XKR9: variants seen among roughly 807,000 people sequenced by gnomAD.
XKR9 encodes XK related 9.
A neutral mutation model predicts 32.0 loss-of-function variants in XKR9; 32 were observed. The ratio of observed to expected loss-of-function variants is 1.00; its 90% confidence interval spans 0.76 to 1.34. The LOEUF is 1.34. Among genes scored for constraint, XKR9 ranks in the 40% most tolerant of loss-of-function variants. XKR9 has a pLI of 0.00. For synonymous variants in XKR9, 168 were observed against 143.4 expected (o/e 1.17, Z -1.22); for missense variants, 546 against 429.7 (o/e 1.27, Z -2.39).
chr8:70,833,410 A>G, the XKR9 span, among the ~76,000 whole-genome samples: 1 of 152,208 alleles, frequency 6.6e-6, no homozygotes, highest in African/African-American at 2.4e-5. Context: ...TGTGAATATA[A>G]CATTATACAG....
the XKR9 span, among the ~76,000 whole-genome samples, chr8:70,971,298 C>T: frequency 8.6e-5 from 13 of 151,750 alleles, no homozygotes; most frequent in Admixed American, 4.6e-4. Flanking sequence ...CCTTAGCCCA[C>T]TTTTTGATGG....
chr8:70,857,182 G>A, the XKR9 span, among the ~76,000 whole-genome samples: 1 of 152,298 alleles, frequency 6.6e-6, no homozygotes, highest in African/African-American at 2.4e-5. Context: ...AATGAATCCA[G>A]AAGCTGGTTT....
chr8:70,731,359 C>T (rs1354302295), intron 4 of XKR9, among the ~76,000 whole-genome samples: 2 of 151,444 alleles, frequency 1.3e-5, no homozygotes, highest in Non-Finnish European at 2.9e-5. Context: ...TTTCCAGGTT[C>T]CTTTTCTCTG....
intron 2 of XKR9, among the ~76,000 whole-genome samples, chr8:70,750,241 T>C (rs1354587672): frequency 1.3e-5 from 2 of 152,232 alleles, no homozygotes; most frequent in Admixed American, 1.3e-4. Flanking sequence ...ATTGCATTTC[T>C]ATGTTGCTCT....
the XKR9 span, among the ~76,000 whole-genome samples, chr8:70,990,943 G>A: frequency 6.6e-6 from 1 of 152,118 alleles, no homozygotes; most frequent in African/African-American, 2.4e-5. Flanking sequence ...TGAGAGGTGT[G>A]TTTATCTAAT....
At chr8:70,758,839 C>T (rs1023687364) in intron 2 of XKR9, among the ~76,000 whole-genome samples, 2 of 152,156 alleles carry the variant, frequency 1.3e-5, no homozygotes, top group Non-Finnish European at 2.9e-5. Flanking sequence ...TACAGAGTAA[C>T]AGCAAAGCTC....
At chr8:71,050,377 T>C in the XKR9 span, among the ~76,000 whole-genome samples, 1 of 151,230 alleles carries the variant, frequency 6.6e-6, no homozygotes, top group East Asian at 1.9e-4. Context: ...AATAGAAAAT[T>C]ATTATGGATT....
chr8:70,980,698 T>C, the XKR9 span, among the ~76,000 whole-genome samples: 248 of 152,338 alleles, frequency 1.6e-3, 1 homozygote, highest in African/African-American at 5.8e-3. Context: ...CTTGTTTTTC[T>C]TTTCCATTAT....
At chr8:71,039,564 G>A in the XKR9 span, among the ~76,000 whole-genome samples, 1 of 152,134 alleles carries the variant, frequency 6.6e-6, no homozygotes, top group East Asian at 1.9e-4. Flanking sequence ...GATTCTACAA[G>A]GGTGATTAGA....
chr8:71,029,638 CTA>C, the XKR9 span, among the ~76,000 whole-genome samples: 1 of 151,946 alleles, frequency 6.6e-6, no homozygotes, highest in East Asian at 1.9e-4. Flanking sequence ...TATTGATTTT[CTA>C]AAATATGTAA....
the XKR9 span, among the ~76,000 whole-genome samples, chr8:71,051,561 G>A: frequency 6.6e-6 from 1 of 151,696 alleles, no homozygotes; most frequent in Non-Finnish European, 1.5e-5. Context: ...GTGTAAGTGA[G>A]CAAAAGTTGA....
the XKR9 span, among the ~76,000 whole-genome samples, chr8:71,037,473 C>T: frequency 6.6e-6 from 1 of 152,202 alleles, no homozygotes; most frequent in East Asian, 1.9e-4. Flanking sequence ...AGCACATGGT[C>T]ATGATAAAAC....
At chr8:70,816,378 AATC>A in the XKR9 span, among the ~76,000 whole-genome samples, 2 of 152,338 alleles carry the variant, frequency 1.3e-5, no homozygotes, top group African/African-American at 4.8e-5. Flanking sequence ...TTGATCCAGC[AATC>A]CCATGACTAT....
At chr8:70,847,978 C>G in the XKR9 span, among the ~76,000 whole-genome samples, 11 of 152,018 alleles carry the variant, frequency 7.2e-5, no homozygotes, top group Non-Finnish European at 1.0e-4. Flanking sequence ...AAGGCCAACA[C>G]TACTCTGATA....
At chr8:70,694,831 T>G (rs963524495) in intron 3 of XKR9, among the ~76,000 whole-genome samples, 1 of 152,204 alleles carries the variant, frequency 6.6e-6, no homozygotes, top group African/African-American at 2.4e-5. Context: ...GAGTCTAACA[T>G]CCTACTTTGC....
Position 70,705,527 on chromosome 8 carries a change from G to C in XKR9, c.273-1406G>C, listed in dbSNP as rs1586837247. 4.6e-5 allele frequency among the ~76,000 whole-genome samples: 7 copies of C among 152,246 alleles called. No homozygotes were observed. The South Asian group carries it at 8.3e-4, about 18-fold the overall frequency. ...ATATATGGAGTTTAGAAGAGTTCCA[G>C]ACAGAGGAATTAGCAAAGACAAAGG... On this transcript the variant is annotated intron_variant, in intron 3 of 4. Coordinates refer to ENST00000408926, the MANE Select transcript of XKR9 (RefSeq NM_001011720.2).
At chr8:70,867,539 C>T in the XKR9 span, among the ~76,000 whole-genome samples, 1 of 152,208 alleles carries the variant, frequency 6.6e-6, no homozygotes, top group Non-Finnish European at 1.5e-5. Context: ...GCAACCTCTG[C>T]CTCCCTGGTT....
the XKR9 span, among the ~76,000 whole-genome samples, chr8:71,035,040 T>C: frequency 6.6e-6 from 1 of 152,230 alleles, no homozygotes; most frequent in Non-Finnish European, 1.5e-5. Context: ...AGTTTGTTAT[T>C]ATTCTCAATT....
intron 2 of XKR9, among the ~76,000 whole-genome samples, chr8:70,744,237 G>A (rs1392778781): frequency 1.3e-5 from 2 of 152,016 alleles, no homozygotes; most frequent in African/African-American, 4.8e-5. Flanking sequence ...CTCGAACTGG[G>A]GAGGCAGAAG....
Sources: gnomAD v4.1 joint callset for allele counts (sites outside exome capture counted in the v4.1 genomes callset) on GRCh38, gnomAD v4.1.1 for gene constraint, MANE v1.5 for transcripts, NCBI Gene and HGNC (gene_info 2026-07-23, HGNC 2026-07-21) for gene names.